PTPRD: variants seen among roughly 807,000 people sequenced by gnomAD.
PTPRD encodes protein tyrosine phosphatase receptor type D, also known as receptor-type tyrosine-protein phosphatase delta.
Under a neutral mutation model 214.5 loss-of-function variants are expected in PTPRD, and 34 were observed. That is an observed-to-expected ratio of 0.16 (90% CI 0.12 to 0.21). The LOEUF is 0.21. Among genes scored for constraint, PTPRD ranks in the 10% least tolerant of loss-of-function variants. PTPRD has a pLI of 1.00. For synonymous variants in PTPRD, 1,128 were observed against 845.7 expected (o/e 1.33, Z -5.79); for missense variants, 2,545 against 2,398.7 (o/e 1.06, Z -1.27).
At chr9:9,740,547 G>C (rs1226921916) in intron 6 of PTPRD, among the ~76,000 whole-genome samples, 1 of 151,926 alleles carries the variant, frequency 6.6e-6, no homozygotes, top group Non-Finnish European at 1.5e-5. Context: ...ATTTTTAGTA[G>C]AGACGGGGTT....
In PTPRD at chr9:8,316,890, GAACT is replaced by G. The variant is rs201265869; in HGVS notation, c.*980_*983del. 1.8e-3 allele frequency: 402 copies of G among 225,534 alleles called. 5 individuals are homozygous for G. Among genetic ancestry groups the G allele is most frequent in the Non-Finnish European group, 1.9e-3 (224 of 116,064 alleles). 14.0% of individuals were successfully genotyped at this position (225,534 alleles called of 1,614,324 possible). On this transcript the variant is annotated 3_prime_UTR_variant, in exon 46 of 46. Coordinates refer to ENST00000381196, the MANE Select transcript of PTPRD (RefSeq NM_002839.4). Reference sequence around the variant, plus strand: ...CGTTTAAAAAAACTAAATCATGGAAGAACTGACTGACTGATAACTGTATCTATTT... The same window carrying G: ...CGTTTAAAAAAACTAAATCATGGAAGGACTGACTGATAACTGTATCTATTT...
intron 8 of PTPRD, among the ~76,000 whole-genome samples, chr9:9,471,145 A>G (rs1569568620): frequency 6.6e-6 from 1 of 152,310 alleles, no homozygotes; most frequent in East Asian, 1.9e-4. Context: ...TTGGTCCTAT[A>G]GTTGCAAAAT....
chr9:8,749,680 G>C (rs7039274), intron 11 of PTPRD, among the ~76,000 whole-genome samples: 8,676 of 152,224 alleles, frequency 0.057, 614 homozygotes, highest in African/African-American at 0.17. Flanking sequence ...CTACATTAAA[G>C]TAGAATAACT....
chr9:10,519,364 T>C (rs2051364285), intron 2 of PTPRD, among the ~76,000 whole-genome samples: 3 of 151,546 alleles, frequency 2.0e-5, no homozygotes. Context: ...AATATATATG[T>C]ACTGTTACTA....
rs184014976 is a variant in PTPRD at position 10,276,589 on chromosome 9, G to C, written c.-545+64374C>G. 3.5e-3 allele frequency among the ~76,000 whole-genome samples: 536 copies of C among 152,256 alleles called. 2 individuals carry two copies. The highest frequency in any genetic ancestry group is 4.3e-3 in the Non-Finnish European group (295 of 68,024). On this transcript the variant is annotated intron_variant, in intron 3 of 45. Coordinates refer to ENST00000381196, the MANE Select transcript of PTPRD (RefSeq NM_002839.4). Reference sequence around the variant, plus strand: ...TAATCTAATATCGAAAGTCATAGTAGATAAAGATATGAGTTTTAAAGCCTA... The same window carrying C: ...TAATCTAATATCGAAAGTCATAGTACATAAAGATATGAGTTTTAAAGCCTA...
chr9:8,765,373 G>C (rs1037052717), intron 11 of PTPRD, among the ~76,000 whole-genome samples: 1 of 152,184 alleles, frequency 6.6e-6, no homozygotes, highest in Non-Finnish European at 1.5e-5. Flanking sequence ...CCTCTTGGGT[G>C]CAATCTCCCG....
chr9:10,567,334 A>G (rs909297401), intron 2 of PTPRD, among the ~76,000 whole-genome samples: 1 of 152,156 alleles, frequency 6.6e-6, no homozygotes, highest in Non-Finnish European at 1.5e-5. Context: ...ATAATAATAC[A>G]AATTTCAATT....
intron 3 of PTPRD, among the ~76,000 whole-genome samples, chr9:10,307,150 T>A (rs181897742): frequency 5.3e-5 from 8 of 152,162 alleles, no homozygotes; most frequent in Non-Finnish European, 1.2e-4. Flanking sequence ...TACTTTATTA[T>A]AAACATGAGC....
intron 12 of PTPRD, among the ~76,000 whole-genome samples, chr9:8,711,427 C>A (rs1197930147): frequency 6.6e-6 from 1 of 152,098 alleles, no homozygotes; most frequent in African/African-American, 2.4e-5. Flanking sequence ...AATTAGCATA[C>A]AGTAACTCTC....
In PTPRD at chr9:9,011,104, T is replaced by G. The variant is rs548586444; in HGVS notation, c.-104+7593A>C. 4.6e-5 allele frequency among the ~76,000 whole-genome samples: 7 copies of G among 152,224 alleles called. No homozygotes were observed. The South Asian group carries it at 8.3e-4, about 18-fold the overall frequency. ...TACCTTAGAGACTGTGTCTCCTAAGTAGAGAGTGGCAATTCTAGTCTGTAG... is the reference window on the plus strand; with the variant it reads ...TACCTTAGAGACTGTGTCTCCTAAGGAGAGAGTGGCAATTCTAGTCTGTAG... On this transcript the variant is annotated intron_variant, in intron 11 of 45. Transcript: ENST00000381196.
At chr9:10,097,670 C>T (rs1219826315) in intron 3 of PTPRD, among the ~76,000 whole-genome samples, 22 of 151,892 alleles carry the variant, frequency 1.4e-4, no homozygotes, top group Admixed American at 5.9e-4. Flanking sequence ...GATATACAAT[C>T]ATGTCGTCTG....
chr9:8,396,181 C>A (rs1280489348), intron 36 of PTPRD, among the ~76,000 whole-genome samples: 1 of 152,034 alleles, frequency 6.6e-6, no homozygotes, highest in Non-Finnish European at 1.5e-5. Flanking sequence ...GGAACCAACA[C>A]CTCTGTGAGA....
intron 30 of PTPRD, among the ~76,000 whole-genome samples, chr9:8,474,580 C>T (rs187822078): frequency 6.6e-6 from 1 of 152,346 alleles, no homozygotes; most frequent in Admixed American, 6.5e-5. Flanking sequence ...AGGCCTTCAA[C>T]ACGGCCTGGC....
At chr9:10,402,209 T>C (rs908578458) in intron 2 of PTPRD, among the ~76,000 whole-genome samples, 2 of 151,736 alleles carry the variant, frequency 1.3e-5, no homozygotes, top group Non-Finnish European at 2.9e-5. Flanking sequence ...CTTCAGATTG[T>C]CTTATGAACA....
At chr9:9,243,319 C>A (rs1196602391) in intron 9 of PTPRD, among the ~76,000 whole-genome samples, 1 of 152,082 alleles carries the variant, frequency 6.6e-6, no homozygotes, top group Non-Finnish European at 1.5e-5. Flanking sequence ...ATACCAAAGC[C>A]TGGCAGAGAC....
intron 11 of PTPRD, among the ~76,000 whole-genome samples, chr9:8,816,744 C>T (rs1014631494): frequency 2.0e-5 from 3 of 152,192 alleles, no homozygotes; most frequent in African/African-American, 7.2e-5. Flanking sequence ...TGTTAAATTA[C>T]TCAAGTTCAG....
At chr9:9,129,591 C>T (rs1417127399) in intron 10 of PTPRD, among the ~76,000 whole-genome samples, 1 of 152,106 alleles carries the variant, frequency 6.6e-6, no homozygotes, top group Non-Finnish European at 1.5e-5. Flanking sequence ...AATTTTATAT[C>T]ACTATAGGTA....
chr9:8,846,346 T>A (rs1258543682), intron 11 of PTPRD, among the ~76,000 whole-genome samples: 1 of 152,156 alleles, frequency 6.6e-6, no homozygotes, highest in African/African-American at 2.4e-5. Flanking sequence ...AATATTACTA[T>A]TGCACCGAGC....
intron 10 of PTPRD, among the ~76,000 whole-genome samples, chr9:9,021,558 T>A (rs1276216212): frequency 6.6e-6 from 1 of 152,118 alleles, no homozygotes; most frequent in Non-Finnish European, 1.5e-5. Context: ...TTAAAAAAAA[T>A]GTTAACTACA....
Sources: gnomAD v4.1 joint callset for allele counts (sites outside exome capture counted in the v4.1 genomes callset) on GRCh38, gnomAD v4.1.1 for gene constraint, MANE v1.5 for transcripts, NCBI Gene and HGNC (gene_info 2026-07-23, HGNC 2026-07-21) for gene names.